The following EXOC6B variants were observed in gnomAD, a reference collection of about 807,000 sequenced individuals.
The protein encoded by EXOC6B is exocyst complex component 6B.
A neutral mutation model predicts 113.5 loss-of-function variants in EXOC6B; 54 were observed. The observed-to-expected ratio is 0.48, with a 90% confidence interval of 0.38 to 0.60. EXOC6B has a LOEUF of 0.60. Among genes scored for constraint, EXOC6B ranks in the 20% least tolerant of loss-of-function variants. EXOC6B has a pLI of 0.00. For missense variants in EXOC6B, 797 were observed against 977.5 expected, an observed-to-expected ratio of 0.82 and a Z score of 2.46; for synonymous variants, 357 against 339.0, an observed-to-expected ratio of 1.05 and a Z score of -0.58.
At chr2:72,233,808 C>G (rs950463466) in intron 20 of EXOC6B, among the ~76,000 whole-genome samples, 3 of 152,190 alleles carry the variant, frequency 2.0e-5, no homozygotes, top group African/African-American at 7.2e-5. Context: ...TTCCTGCTGT[C>G]CCAAGAAGCA....
chr2:72,726,623 T>A (rs1264611698), intron 5 of EXOC6B, among the ~76,000 whole-genome samples: 1 of 152,200 alleles, frequency 6.6e-6, no homozygotes, highest in East Asian at 1.9e-4. Flanking sequence ...GGCACTACAC[T>A]ATATTGTTGT....
intron 8 of EXOC6B, among the ~76,000 whole-genome samples, chr2:72,554,167 A>C (rs1263016083): frequency 6.6e-6 from 1 of 152,224 alleles, no homozygotes; most frequent in African/African-American, 2.4e-5. Context: ...TAACAGTACA[A>C]ACAATAGCCA....
At chr2:72,316,785 G>A (rs1169212530) in intron 20 of EXOC6B, among the ~76,000 whole-genome samples, 1 of 152,182 alleles carries the variant, frequency 6.6e-6, no homozygotes, top group Non-Finnish European at 1.5e-5. Flanking sequence ...AAGAGCATTT[G>A]TAATGAAGGG....
chr2:72,437,636 G>C (rs1027677417), intron 18 of EXOC6B, among the ~76,000 whole-genome samples: 1 of 152,152 alleles, frequency 6.6e-6, no homozygotes, highest in East Asian at 1.9e-4. Context: ...GGCTACAGTG[G>C]CTTTGCTGAG....
intron 18 of EXOC6B, among the ~76,000 whole-genome samples, chr2:72,402,409 A>G (rs1693399077): frequency 6.6e-6 from 1 of 152,208 alleles, no homozygotes; most frequent in Non-Finnish European, 1.5e-5. Context: ...ACTGATTTTT[A>G]TATTTTCCCA....
At chr2:72,493,416 TA>T in intron 15 of EXOC6B, among the ~76,000 whole-genome samples, 1 of 147,750 alleles carries the variant, frequency 6.8e-6, no homozygotes, top group African/African-American at 2.6e-5. Context: ...TAATTTGCTT[TA>T]AAAAAATGCT....
chr2:72,666,355 G>A (rs4852888), intron 6 of EXOC6B, among the ~76,000 whole-genome samples: 92,923 of 151,988 alleles, frequency 0.61, 34,604 homozygotes, highest in East Asian at 0.99. Context: ...CTTCTCATAC[G>A]CACATGGAAT....
chr2:72,272,109 G>C (rs1684526835), intron 20 of EXOC6B, among the ~76,000 whole-genome samples: 1 of 152,106 alleles, frequency 6.6e-6, no homozygotes, highest in Non-Finnish European at 1.5e-5. Flanking sequence ...AGTTCCTATT[G>C]CTTTATCAGG....
At chr2:72,236,150 C>T (rs1681945039) in intron 20 of EXOC6B, among the ~76,000 whole-genome samples, 1 of 152,134 alleles carries the variant, frequency 6.6e-6, no homozygotes, top group South Asian at 2.1e-4. Flanking sequence ...GGTTCCTCTC[C>T]TTACTAGAGC....
chr2:72,524,172 C>T (rs1461959452), intron 8 of EXOC6B, among the ~76,000 whole-genome samples: 1 of 141,780 alleles, frequency 7.1e-6, no homozygotes, highest in Non-Finnish European at 1.5e-5. Flanking sequence ...AAAAAAAAAA[C>T]TGAAAGGGCC....
intron 17 of EXOC6B, among the ~76,000 whole-genome samples, chr2:72,465,580 T>C (rs1032662582): frequency 4.6e-5 from 7 of 152,220 alleles, no homozygotes; most frequent in Non-Finnish European, 1.0e-4. Flanking sequence ...CCAGATCATA[T>C]AAGTTTGACA....
chr2:72,475,754 A>C (rs1698701220), intron 17 of EXOC6B, among the ~76,000 whole-genome samples: 1 of 152,156 alleles, frequency 6.6e-6, no homozygotes, highest in African/African-American at 2.4e-5. Flanking sequence ...GTATTGGGCA[A>C]CCTAGGTTAG....
chr2:72,677,008 C>T (rs1676359828), intron 6 of EXOC6B, among the ~76,000 whole-genome samples: 1 of 152,108 alleles, frequency 6.6e-6, no homozygotes, highest in Admixed American at 6.5e-5. Context: ...TGCTTTGGAC[C>T]CAAATGAGCC....
intron 17 of EXOC6B, among the ~76,000 whole-genome samples, chr2:72,479,540 T>A (rs1162285588): frequency 6.6e-6 from 1 of 152,130 alleles, no homozygotes; most frequent in African/African-American, 2.4e-5. Flanking sequence ...CTCAAAAGGG[T>A]GACATGGAAT....
chr2:72,767,808 T>TTAA (rs561079706), intron 1 of EXOC6B, among the ~76,000 whole-genome samples: 1 of 12,680 alleles, frequency 7.9e-5, no homozygotes, highest in Admixed American at 1.3e-3. Flanking sequence ...GAGACCTTGT[T>TTAA]AAAAAAAAAA....
At chr2:72,443,316 C>T (rs1696339701) in intron 18 of EXOC6B, among the ~76,000 whole-genome samples, 1 of 120,832 alleles carries the variant, frequency 8.3e-6, no homozygotes, top group Non-Finnish European at 1.6e-5. Flanking sequence ...GAGCGAGATT[C>T]TGTCAAAAAA....
At chr2:72,688,224 C>T (rs1001790898) in intron 6 of EXOC6B, among the ~76,000 whole-genome samples, 1 of 152,116 alleles carries the variant, frequency 6.6e-6, no homozygotes. Flanking sequence ...ATGCTCTTGA[C>T]TACTGTCTTA....
intron 18 of EXOC6B, among the ~76,000 whole-genome samples, chr2:72,382,676 A>AT (rs536288419): frequency 5.5e-4 from 83 of 151,790 alleles, no homozygotes; most frequent in Admixed American, 1.5e-3. Flanking sequence ...ATGTTTTTCC[A>AT]TTTTTTTTGA....
At chr2:72,538,700 G>C (rs1381323249) in intron 8 of EXOC6B, among the ~76,000 whole-genome samples, 1 of 152,150 alleles carries the variant, frequency 6.6e-6, no homozygotes. Flanking sequence ...ACCATGTGTT[G>C]TGCATACTAG....
Sources: allele counts gnomAD v4.1 joint callset (sites outside exome capture counted in the v4.1 genomes callset), GRCh38; gene constraint gnomAD v4.1.1; transcripts MANE v1.5; gene names NCBI Gene and HGNC (gene_info 2026-07-23, HGNC 2026-07-21).